STK32B: variants seen among roughly 807,000 people sequenced by gnomAD.
The protein encoded by STK32B is serine/threonine kinase 32B.
A neutral mutation model predicts 52.6 loss-of-function variants in STK32B; 43 were observed. The observed-to-expected ratio is 0.82, with a 90% CI of 0.64 to 1.05. The LOEUF (loss-of-function observed/expected upper bound fraction) is 1.05, where lower values mean the gene tolerates loss of function less well. Ranked by LOEUF, STK32B falls within the 50% of genes least tolerant of loss-of-function variation. The pLI, the probability that STK32B is intolerant of heterozygous loss-of-function variation, is 0.00. For synonymous variants in STK32B, 238 were observed against 204.3 expected, an observed-to-expected ratio of 1.17 and a Z score of -1.41; for missense variants, 621 against 534.6, an observed-to-expected ratio of 1.16 and a Z score of -1.59.
intron 3 of STK32B, among the ~76,000 whole-genome samples, chr4:5,300,095 T>A (rs1323649505): frequency 6.6e-6 from 1 of 152,180 alleles, no homozygotes; most frequent in Non-Finnish European, 1.5e-5. Context: ...TTGGCCATGA[T>A]CAAGTAGGCT....
intron 1 of STK32B, among the ~76,000 whole-genome samples, chr4:5,093,797 C>A (rs1178866914): frequency 2.0e-5 from 3 of 152,148 alleles, no homozygotes; most frequent in African/African-American, 4.8e-5. Flanking sequence ...GAATAGTGAT[C>A]TCTTGTAGTT....
chr4:5,222,803 A>G (rs904180101), intron 3 of STK32B, among the ~76,000 whole-genome samples: 1 of 152,216 alleles, frequency 6.6e-6, no homozygotes, highest in African/African-American at 2.4e-5. Flanking sequence ...CAGCCTGGCC[A>G]TGTATACAGT....
intron 4 of STK32B, among the ~76,000 whole-genome samples, chr4:5,346,554 G>T (rs1254735398): frequency 6.6e-6 from 1 of 152,160 alleles, no homozygotes; most frequent in Non-Finnish European, 1.5e-5. Flanking sequence ...AGGGATTGGG[G>T]TCACCCTGTG....
At chr4:5,323,608 C>T (rs1169153569) in intron 3 of STK32B, among the ~76,000 whole-genome samples, 1 of 152,190 alleles carries the variant, frequency 6.6e-6, no homozygotes, top group Non-Finnish European at 1.5e-5. Flanking sequence ...TCCCCATCAA[C>T]CCTCTACCCT....
At chr4:5,135,176 A>G (rs966644799) in intron 1 of STK32B, among the ~76,000 whole-genome samples, 1 of 152,208 alleles carries the variant, frequency 6.6e-6, no homozygotes, top group Non-Finnish European at 1.5e-5. Context: ...AGCCACTAAC[A>G]TAGAATAATA....
intron 1 of STK32B, among the ~76,000 whole-genome samples, chr4:5,076,242 A>T (rs1377182518): frequency 6.6e-6 from 1 of 152,204 alleles, no homozygotes; most frequent in East Asian, 1.9e-4. Context: ...ACTAAGGAGG[A>T]GTGAAGAATT....
chr4:5,235,188 C>G (rs1244536598), intron 3 of STK32B, among the ~76,000 whole-genome samples: 1 of 152,220 alleles, frequency 6.6e-6, no homozygotes, highest in Non-Finnish European at 1.5e-5. Context: ...GTTTTCTGGT[C>G]TATAAAATGG....
chr4:5,443,452 C>T (rs947949637), intron 6 of STK32B, among the ~76,000 whole-genome samples: 40 of 152,086 alleles, frequency 2.6e-4, no homozygotes, highest in African/African-American at 2.2e-4. Flanking sequence ...TTTTCAGCTC[C>T]ATCAGCTCCT....
In STK32B at chr4:5,400,132, G is replaced by A. The variant is rs1224511224; in HGVS notation, c.472+1888G>A. 6.6e-6 allele frequency among the ~76,000 whole-genome samples: 1 copy of A among 151,794 alleles called. No individual in the cohort carries two copies. The highest frequency in any genetic ancestry group is 1.5e-5 in the Non-Finnish European group (1 of 68,032). ...GGAAAAGTGACACAGAGAGTATGGG[G>A]GTAACCCAGGACTGCCTGGCTTCAT... On this transcript the variant is annotated intron_variant, in intron 5 of 11. Coordinates refer to ENST00000282908, the MANE Select transcript of STK32B (RefSeq NM_018401.3). This position sits in a 1 kb window ranked among gnomAD's most constrained non-coding sequence, Gnocchi z 6.1.
At chr4:5,437,740 A>G (rs995355389) in intron 6 of STK32B, among the ~76,000 whole-genome samples, 1 of 152,202 alleles carries the variant, frequency 6.6e-6, no homozygotes, top group South Asian at 2.1e-4. Flanking sequence ...TTAAAGAGGT[A>G]ATATAGTCCT....
At chr4:5,392,080 C>T (rs1736624349) in intron 4 of STK32B, among the ~76,000 whole-genome samples, 1 of 152,178 alleles carries the variant, frequency 6.6e-6, no homozygotes, top group South Asian at 2.1e-4. Flanking sequence ...GAAATGCAAT[C>T]TTGCATGTGG....
chr4:5,417,089 A>C (rs1252393741), intron 6 of STK32B, among the ~76,000 whole-genome samples, 155 bp downstream of exon 6: 1 of 152,162 alleles, frequency 6.6e-6, no homozygotes, highest in Non-Finnish European at 1.5e-5. Flanking sequence ...GCTCCCTCGA[A>C]GCTCTGGACC....
At chr4:5,496,794 T>C (rs1720300270) in intron 11 of STK32B, among the ~76,000 whole-genome samples, 1 of 151,426 alleles carries the variant, frequency 6.6e-6, no homozygotes, top group South Asian at 2.1e-4. Flanking sequence ...ATGGAAATTT[T>C]TTCTTTGCTT....
chr4:5,138,756 C>G (rs368805674), intron 1 of STK32B, among the ~76,000 whole-genome samples: 42 of 152,282 alleles, frequency 2.8e-4, no homozygotes, highest in African/African-American at 9.9e-4. Context: ...CGTAGGGAGC[C>G]AGACGTAGTC....
At position 5,453,479 on chromosome 4, in the gene STK32B, G is replaced by A. The variant is rs528322673; in HGVS notation, c.667-3328G>A. The stretch of plus-strand genomic sequence containing the variant: ...CATCTCCCAGCCTCAGTTTCCTGAC[G>A]TTTGAAATGAGGGATGAAGTGCCCC... On this transcript the variant is annotated intron_variant, in intron 7 of 11. Transcript: ENST00000282908. This position sits in a 1 kb window ranked among gnomAD's most constrained non-coding sequence, Gnocchi z 4.0. Among the ~76,000 whole-genome samples, 41 of 152,256 alleles carry A rather than the reference G, an allele frequency of 2.7e-4. 1 individual carries two copies. The highest frequency in any genetic ancestry group is 4.3e-4 in the Non-Finnish European group (29 of 68,018).
intron 3 of STK32B, among the ~76,000 whole-genome samples, chr4:5,172,705 G>T (rs1359888621): frequency 6.6e-6 from 1 of 152,132 alleles, no homozygotes; most frequent in Non-Finnish European, 1.5e-5. Flanking sequence ...GCTGGATTCG[G>T]TTTGCCAGTA....
chr4:5,381,738 T>G (rs970147873), intron 4 of STK32B, among the ~76,000 whole-genome samples: 2 of 152,164 alleles, frequency 1.3e-5, no homozygotes, highest in Non-Finnish European at 2.9e-5. Context: ...CCCTGTGTCC[T>G]TGGGGCCCTG....
intron 1 of STK32B, among the ~76,000 whole-genome samples, chr4:5,133,563 C>T (rs925753305): frequency 6.6e-6 from 1 of 152,116 alleles, no homozygotes; most frequent in Non-Finnish European, 1.5e-5. Flanking sequence ...GACTGTGGCT[C>T]TTTGTTAAGG....
intron 6 of STK32B, among the ~76,000 whole-genome samples, chr4:5,436,930 T>A (rs549449803): frequency 3.3e-5 from 5 of 152,312 alleles, no homozygotes; most frequent in African/African-American, 1.2e-4. Context: ...TTTCCACCTC[T>A]GTTGCAAACA....
Sources: allele counts gnomAD v4.1 joint callset (sites outside exome capture counted in the v4.1 genomes callset), GRCh38; gene constraint gnomAD v4.1.1; non-coding constraint Gnocchi (gnomAD v3.1); transcripts MANE v1.5; gene names NCBI Gene and HGNC (gene_info 2026-07-23, HGNC 2026-07-21).